Variants in ADGRL2 observed in about 807,000 individuals in gnomAD.
The protein encoded by ADGRL2 is adhesion G protein-coupled receptor L2, also known as calcium-independent alpha-latrotoxin receptor 2.
A neutral mutation model predicts 157.4 loss-of-function variants in ADGRL2; 44 were observed. The ratio of observed to expected loss-of-function variants is 0.28; its 90% CI spans 0.22 to 0.36. The LOEUF is 0.36. Ranked by LOEUF, ADGRL2 falls within the 10% of genes least tolerant of loss-of-function variation. ADGRL2 has a pLI of 1.00. For missense variants in ADGRL2, 1,510 were observed against 1,768.9 expected (o/e 0.85, Z 2.63); for synonymous variants, 585 against 624.7 (o/e 0.94, Z 0.95).
chr1:81,666,063 C>A (rs1384294461), intron 3 of ADGRL2, among the ~76,000 whole-genome samples: 2 of 152,138 alleles, frequency 1.3e-5, no homozygotes, highest in South Asian at 4.1e-4. Flanking sequence ...TAAGCAAGCA[C>A]AATCCAGTAA....
intron 3 of ADGRL2, among the ~76,000 whole-genome samples, chr1:81,642,770 A>T (rs902785819): frequency 6.6e-6 from 1 of 152,208 alleles, no homozygotes; most frequent in African/African-American, 2.4e-5. Context: ...AAACCGATTA[A>T]ACATTCAAAA....
intron 2 of ADGRL2, among the ~76,000 whole-genome samples, chr1:81,541,958 C>A (rs1367285283): frequency 6.6e-6 from 1 of 151,984 alleles, no homozygotes; most frequent in Admixed American, 6.6e-5. Flanking sequence ...AACTCCATCT[C>A]GAAAAAGTAA....
At chr1:81,528,646 CAAAAAAAAAAAAAAAA>C (rs59842382) in intron 2 of ADGRL2, among the ~76,000 whole-genome samples, 243 of 114,628 alleles carry the variant, frequency 2.1e-3, no homozygotes, top group Middle Eastern at 4.6e-3. Context: ...GACTCCATCT[CAAAAAAAAAAAAAAAA>C]AAAAAAAAAA....
intron 2 of ADGRL2, among the ~76,000 whole-genome samples, chr1:81,521,415 T>C (rs998394902): frequency 9.2e-5 from 14 of 151,388 alleles, no homozygotes; most frequent in African/African-American, 3.4e-4. Context: ...GTCAAAGGAG[T>C]GGTTGTATTT....
chr1:81,811,956 C>CT (rs2089918619), intron 1 of ADGRL2, among the ~76,000 whole-genome samples: 1 of 151,170 alleles, frequency 6.6e-6, no homozygotes, highest in African/African-American at 2.4e-5. Context: ...AATACACTGT[C>CT]TGAGTATGTC....
chr1:81,483,802 G>A (rs779635253), intron 2 of ADGRL2, among the ~76,000 whole-genome samples: 2 of 152,060 alleles, frequency 1.3e-5, no homozygotes, highest in Non-Finnish European at 2.9e-5. Flanking sequence ...ATAGACATGT[G>A]GAAATGGAAG....
chr1:81,312,541 A>T (rs1659828242), intron 1 of ADGRL2, among the ~76,000 whole-genome samples: 1 of 152,198 alleles, frequency 6.6e-6, no homozygotes, highest in Non-Finnish European at 1.5e-5. Flanking sequence ...GGGGTAGGTA[A>T]AGGAACTAAA....
intron 1 of ADGRL2, among the ~76,000 whole-genome samples, chr1:81,822,308 A>G (rs2091070431): frequency 6.6e-6 from 1 of 151,896 alleles, no homozygotes; most frequent in Non-Finnish European, 1.5e-5. Flanking sequence ...CAAGTTCAGA[A>G]TATTGCTAGG....
intron 1 of ADGRL2, among the ~76,000 whole-genome samples, chr1:81,411,028 T>C (rs2076936786): frequency 6.6e-6 from 1 of 152,208 alleles, no homozygotes; most frequent in African/African-American, 2.4e-5. Flanking sequence ...AAAATGTCTA[T>C]ACTTAGTTCC....
chr1:81,661,961 G>A lies in ADGRL2; in HGVS notation c.-143+80981G>A, dbSNP rs145210335. Among the ~76,000 whole-genome samples the A allele has an allele frequency of 4.9e-3, 750 of 152,112 alleles. 7 individuals are homozygous for A. The highest frequency in any genetic ancestry group is 0.017 in the African/African-American group (717 of 41,498). On this transcript the variant is annotated intron_variant, in intron 3 of 24. Transcript: ENST00000370721. ...TACTTAATTATGATAGAGTACAGGAGAGAAAAGTGCCCAAGAATAAAGTCA... is the reference window on the plus strand; with the variant it reads ...TACTTAATTATGATAGAGTACAGGAAAGAAAAGTGCCCAAGAATAAAGTCA...
At chr1:81,796,499 G>C (rs2087594082), upstream of ADGRL2, among the ~76,000 whole-genome samples, 1 of 152,096 alleles carries the variant, frequency 6.6e-6, no homozygotes, top group Non-Finnish European at 1.5e-5. Flanking sequence ...AGAGTTATAG[G>C]AACAATCTAT....
At position 81,670,392 on chromosome 1, in the gene ADGRL2, A is replaced by T. The variant is rs72939278; in HGVS notation, c.-143+89412A>T. Among the ~76,000 whole-genome samples the T allele has an allele frequency of 8.1e-3, 1,239 of 152,162 alleles. 13 individuals carry two copies. Among genetic ancestry groups the T allele is most frequent in the African/African-American group, 0.028 (1,165 of 41,512 alleles). ...ATTCTGCTCTCAATCTGATTGTAGA[A>T]CTCCCACTGATGGCAGTAGGAGCTG... On this transcript the variant is annotated intron_variant, in intron 3 of 24. Transcript: ENST00000370721.
chr1:81,851,734 TTGTGTGTG>T (rs5775643), intron 2 of ADGRL2, among the ~76,000 whole-genome samples: 7 of 146,422 alleles, frequency 4.8e-5, no homozygotes, highest in East Asian at 2.0e-4. Context: ...CCACTTAAAT[TTGTGTGTG>T]TGTGTGTGTG....
Position 81,322,087 on chromosome 1 carries a change from C to CATATATATATAT in ADGRL2, c.-302+15590_-302+15601dup, listed in dbSNP as rs148181887. 6.0e-3 allele frequency among the ~76,000 whole-genome samples: 663 copies of CATATATATATAT among 110,862 alleles called. 8 individuals are homozygous for CATATATATATAT. The highest frequency in any genetic ancestry group is 9.1e-3 in the African/African-American group (276 of 30,450). 72.7% of individuals were successfully genotyped at this position (110,862 alleles called of 152,430 possible). A position where few individuals can be genotyped will look rare whatever the true frequency, so the allele number is the denominator to read the frequency against. On this transcript the variant is annotated intron_variant, in intron 1 of 24. Coordinates refer to the ADGRL2 transcript ENST00000370721. ...CTTCCTTAAATGTACAGGACTAATT[C>CATATATATATAT]ATATATATATATATATATATATACA...
intron 2 of ADGRL2, among the ~76,000 whole-genome samples, chr1:81,504,946 G>T (rs1285567822): frequency 2.6e-5 from 4 of 152,168 alleles, no homozygotes; most frequent in African/African-American, 9.7e-5. Flanking sequence ...AAATTGATTC[G>T]CTTGCGGCTC....
intron 1 of ADGRL2, among the ~76,000 whole-genome samples, chr1:81,429,242 C>T (rs575031221): frequency 2.0e-5 from 3 of 151,848 alleles, no homozygotes; most frequent in African/African-American, 4.8e-5. Context: ...TGAGAGGTAA[C>T]AGTTCATTGT....
intron 2 of ADGRL2, among the ~76,000 whole-genome samples, chr1:81,456,923 T>A (rs2077820090): frequency 1.3e-5 from 2 of 152,184 alleles, no homozygotes; most frequent in Admixed American, 6.5e-5. Context: ...TTCTACTTTA[T>A]TTTCATGATT....
chr1:81,384,920 T>C (rs1421439870), intron 1 of ADGRL2, among the ~76,000 whole-genome samples: 2 of 152,178 alleles, frequency 1.3e-5, no homozygotes, highest in Non-Finnish European at 2.9e-5. Context: ...CTCTATTGAT[T>C]GTTAATGCTT....
In ADGRL2 at chr1:81,943,781, T is replaced by G; in HGVS notation, c.1210+12T>G. On this transcript the variant is annotated intron_variant, in intron 6 of 23. Transcript: ENST00000686636. This position sits in a 1 kb window ranked among gnomAD's most constrained non-coding sequence, Gnocchi z 5.6. ...TGATCCTGCCCAAGGTAAGCGTGTT[T>G]ACTTGCTAATGCTTATGTCATTTTG... 6.3e-7 allele frequency: 1 copy of G among 1,592,908 alleles called. No individual in the cohort carries two copies.
Sources: gnomAD v4.1 joint callset for allele counts (sites outside exome capture counted in the v4.1 genomes callset) on GRCh38, gnomAD v4.1.1 for gene constraint, Gnocchi (gnomAD v3.1) non-coding constraint, MANE v1.5 for transcripts, NCBI Gene and HGNC (gene_info 2026-07-23, HGNC 2026-07-21) for gene names.